RHEB: variants seen among roughly 807,000 people sequenced by gnomAD.
RHEB encodes the protein Ras homolog, mTORC1 binding.
In RHEB, 2 loss-of-function variants were observed where a neutral mutation model predicts 28.8. The observed-to-expected ratio is 0.07, with a 90% CI of 0.03 to 0.22. The LOEUF (loss-of-function observed/expected upper bound fraction) is 0.22. RHEB is among the 10% of genes least tolerant of loss of function. RHEB has a pLI of 1.00. For synonymous variants in RHEB, 69 were observed against 77.3 expected, an observed-to-expected ratio of 0.89 and a Z score of 0.56; for missense variants, 76 against 219.9, an observed-to-expected ratio of 0.35 and a Z score of 4.14.
intron 3 of RHEB, among the ~76,000 whole-genome samples, chr7:151,480,340 A>G (rs538662015): frequency 1.3e-5 from 2 of 152,278 alleles, no homozygotes; most frequent in African/African-American, 4.8e-5. Flanking sequence ...GGCCATAGGT[A>G]TTGATATGGA....
chr7:151,490,889 A>G, intron 2 of RHEB, 54 bp downstream of exon 2: 1 of 1,323,010 alleles, frequency 7.6e-7, no homozygotes, highest in Admixed American at 1.7e-5. Context: ...CACAATGGCT[A>G]TTTTACACAA....
chr7:151,500,946 T>G (rs1044183809), intron 1 of RHEB, among the ~76,000 whole-genome samples: 1 of 152,126 alleles, frequency 6.6e-6, no homozygotes, highest in African/African-American at 2.4e-5. Context: ...ATTCTGCCAC[T>G]GCATACCAGC....
At chr7:151,489,226 T>C (rs762426941) in intron 2 of RHEB, among the ~76,000 whole-genome samples, 8 of 152,246 alleles carry the variant, frequency 5.3e-5, no homozygotes, top group Non-Finnish European at 1.0e-4. Context: ...ATTTCAAGGA[T>C]CTAAAATCCT....
chr7:151,519,705 C>A lies in RHEB; in HGVS notation c.-194G>T, dbSNP rs1490194650. 2 of 380,500 alleles carry A rather than the reference C, an allele frequency of 5.3e-6. No individual in the cohort carries two copies. The highest frequency in any genetic ancestry group is 9.1e-6 in the Non-Finnish European group (2 of 218,768). 23.6% of individuals were successfully genotyped at this position (380,500 alleles called of 1,614,324 possible). A position where few individuals can be genotyped will look rare whatever the true frequency, so the allele number is the denominator to read the frequency against. On this transcript the variant is annotated 5_prime_UTR_variant, in exon 1 of 8. Transcript: ENST00000262187. ...ACCGACCGCGCGGCGGCGCCCCTCC[C>A]CCCCACAACACGCCCACGTGACCGG...
chr7:151,515,965 G>T (rs1362916134), intron 1 of RHEB, among the ~76,000 whole-genome samples: 1 of 152,114 alleles, frequency 6.6e-6, no homozygotes, highest in Admixed American at 6.5e-5. Flanking sequence ...GGTAAACTAG[G>T]TTACCAAAGC....
Position 151,467,059 on chromosome 7 carries a change from C to A in RHEB, c.*60G>T. 8.3e-7 allele frequency: 1 copy of A among 1,205,278 alleles called. No individual in the cohort carries two copies. The highest frequency in any genetic ancestry group is 1.2e-6 in the Non-Finnish European group (1 of 809,822). The allele number at this position is 1,205,278 out of a possible 1,614,324, so 74.7% of individuals were successfully genotyped here. On this transcript the variant is annotated 3_prime_UTR_variant, in exon 8 of 8. Transcript: ENST00000262187. ...AAGCATAGTTTATCTTCAAGGAGAACGGGCAGTTTGCTTCTTCAGGTAGAA... is the reference window on the plus strand; with the variant it reads ...AAGCATAGTTTATCTTCAAGGAGAAAGGGCAGTTTGCTTCTTCAGGTAGAA...
chr7:151,467,548 C>T (rs947320969), intron 7 of RHEB, among the ~76,000 whole-genome samples: 1 of 151,944 alleles, frequency 6.6e-6, no homozygotes, highest in African/African-American at 2.4e-5. Flanking sequence ...ACCTCAGGGT[C>T]CCTCTTCACT....
intron 1 of RHEB, among the ~76,000 whole-genome samples, chr7:151,510,772 G>A (rs970075302): frequency 1.3e-5 from 2 of 152,226 alleles, no homozygotes; most frequent in Admixed American, 6.5e-5. Flanking sequence ...AATGCCAAAT[G>A]TGATTGAGAT....
intron 1 of RHEB, among the ~76,000 whole-genome samples, chr7:151,515,138 A>G (rs12112134): frequency 0.51 from 77,519 of 151,326 alleles, 19,998 homozygotes; most frequent in South Asian, 0.6. Flanking sequence ...AATGTGGTAT[A>G]CTCACATGAC....
At chr7:151,477,300 CA>C in intron 4 of RHEB, 32 bp downstream of exon 4, 1 of 1,226,308 alleles carries the variant, frequency 8.2e-7, no homozygotes, top group Non-Finnish European at 1.2e-6. Context: ...CTATGAGTAG[CA>C]AATCAACTCA....
rs143802321 is a variant in RHEB at position 151,508,457 on chromosome 7, G to A, written c.52+11003C>T. Among the ~76,000 whole-genome samples, 297 of 152,256 alleles carry A rather than the reference G, an allele frequency of 2.0e-3. 1 individual carries two copies. Among genetic ancestry groups the A allele is most frequent in the African/African-American group, 6.8e-3 (284 of 41,556 alleles). On this transcript the variant is annotated intron_variant, in intron 1 of 7. Transcript: ENST00000262187. ...AAGTACCTGAAATGTGCTCAGTTCC[G>A]ACTGAGATGTGTCACAGTGTAAGTA...
intron 3 of RHEB, among the ~76,000 whole-genome samples, chr7:151,480,460 G>T (rs1802362673): frequency 6.6e-6 from 1 of 151,736 alleles, no homozygotes; most frequent in East Asian, 1.9e-4. Context: ...GTATCCTAGA[G>T]GCATATACTA....
chr7:151,467,755 G>C (rs2150918703), intron 7 of RHEB, among the ~76,000 whole-genome samples: 2 of 151,986 alleles, frequency 1.3e-5, no homozygotes, highest in East Asian at 3.9e-4. Context: ...CTATCTCCTG[G>C]CCTCTCCTCT....
At chr7:151,514,970 T>C (rs908691896) in intron 1 of RHEB, among the ~76,000 whole-genome samples, 3 of 151,244 alleles carry the variant, frequency 2.0e-5, no homozygotes, top group Non-Finnish European at 2.9e-5. Flanking sequence ...GTCCAGGAGG[T>C]TGACACTGCA....
intron 4 of RHEB, 98 bp from the exon 5 acceptor site, chr7:151,471,703 C>T: frequency 3.9e-6 from 3 of 764,116 alleles, no homozygotes; most frequent in Non-Finnish European, 6.6e-6. Flanking sequence ...ATGTCACAGA[C>T]TCACCATTTT....
intron 1 of RHEB, among the ~76,000 whole-genome samples, chr7:151,516,095 C>T (rs1414704750): frequency 6.6e-6 from 1 of 152,104 alleles, no homozygotes; most frequent in Non-Finnish European, 1.5e-5. Context: ...GTAGAAATAA[C>T]GGAATGTCAG....
chr7:151,502,484 G>GT lies in RHEB; in HGVS notation c.53-11471dup, dbSNP rs1422488295. On this transcript the variant is annotated intron_variant, in intron 1 of 7. Coordinates refer to ENST00000262187, the MANE Select transcript of RHEB (RefSeq NM_005614.4). ...TCTGGTTGTTTACTGTGGAACAACTGTAACAGAAGAAGGAAAGGAAAAGAA... is the reference window on the plus strand; with the variant it reads ...TCTGGTTGTTTACTGTGGAACAACTGTTAACAGAAGAAGGAAAGGAAAAGAA... The GT allele has an allele frequency of 3.3e-6, 3 of 898,312 alleles. 1 individual carries two copies. Among genetic ancestry groups the GT allele is most frequent in the South Asian group, 2.6e-5 (2 of 76,762 alleles). The allele number at this position is 898,312 out of a possible 1,614,324, so 55.6% of individuals were successfully genotyped here.
chr7:151,517,054 G>A (rs746141626), intron 1 of RHEB, among the ~76,000 whole-genome samples: 1 of 152,064 alleles, frequency 6.6e-6, no homozygotes, highest in African/African-American at 2.4e-5. Context: ...AAATATCCTG[G>A]CTCATAATAC....
chr7:151,503,462 A>G, intron 1 of RHEB: 1 of 1,153,506 alleles, frequency 8.7e-7, no homozygotes, highest in East Asian at 2.4e-5. Flanking sequence ...CTTGATGACT[A>G]GACATGAGTC....
Sources: gnomAD v4.1 joint callset for allele counts (sites outside exome capture counted in the v4.1 genomes callset) on GRCh38, gnomAD v4.1.1 for gene constraint, MANE v1.5 for transcripts, NCBI Gene and HGNC (gene_info 2026-07-23, HGNC 2026-07-21) for gene names.